PEPD: variants seen among roughly 807,000 people sequenced by gnomAD.
PEPD encodes peptidase D, also known as xaa-Pro dipeptidase.
PEPD carries 53 observed loss-of-function variants against 60.7 expected under a neutral mutation model. The ratio of observed to expected loss-of-function variants is 0.87; its 90% confidence interval spans 0.70 to 1.10. The LOEUF (loss-of-function observed/expected upper bound fraction) is 1.10, where lower values mean the gene tolerates loss of function less well. PEPD is among the 50% of genes least tolerant of loss of function. The pLI is 0.00. For synonymous variants in PEPD, 267 were observed against 284.1 expected, an observed-to-expected ratio of 0.94 and a Z score of 0.60; for missense variants, 711 against 711.9, an observed-to-expected ratio of 1.00 and a Z score of 0.01.
chr19:33,500,834 T>C, intron 4 of PEPD, 104 bp downstream of exon 4: 2 of 786,600 alleles, frequency 2.5e-6, no homozygotes, highest in Non-Finnish European at 4.6e-6. Flanking sequence ...GGTGGTAGTG[T>C]CCCTGACATC....
intron 6 of PEPD, 30 bp downstream of exon 6, chr19:33,489,966 G>C (rs1398769261): frequency 7.0e-7 from 1 of 1,425,610 alleles, no homozygotes; most frequent in East Asian, 2.3e-5. Flanking sequence ...GGGATGGTGG[G>C]GAAAGAGTCC....
intron 7 of PEPD, among the ~76,000 whole-genome samples, chr19:33,464,684 AG>A (rs1222351472): frequency 6.6e-6 from 1 of 152,176 alleles, no homozygotes; most frequent in Admixed American, 6.5e-5. Context: ...CTACGTGGGC[AG>A]GGGAGTCACA....
intron 1 of PEPD, among the ~76,000 whole-genome samples, chr19:33,514,279 G>T (rs985312709): frequency 6.6e-6 from 1 of 152,046 alleles, no homozygotes; most frequent in Non-Finnish European, 1.5e-5. Context: ...TCTGCCTGGG[G>T]ACTGCAGTGA....
intron 9 of PEPD, among the ~76,000 whole-genome samples, chr19:33,456,865 G>A (rs542962983): frequency 1.0e-3 from 155 of 152,094 alleles, no homozygotes; most frequent in African/African-American, 3.7e-3. Flanking sequence ...AGGTCAGACT[G>A]TGCCTGGATG....
intron 9 of PEPD, among the ~76,000 whole-genome samples, chr19:33,443,867 G>A (rs1165666923): frequency 1.4e-5 from 2 of 144,980 alleles, no homozygotes; most frequent in South Asian, 2.2e-4. Flanking sequence ...ACACACTTGC[G>A]AACATGCGCG....
rs750710336 is a variant in PEPD at position 33,463,984 on chromosome 19, T to C, written c.624+3A>G. On this transcript the variant is annotated splice_donor_region_variant and intron_variant, in intron 8 of 14. Transcript: ENST00000244137. ...ACTCAACCAGAGCCGGTGCCTGACTTACCTCACGGTGGGCCTCGCTGGAGA... is the reference window on the plus strand; with the variant it reads ...ACTCAACCAGAGCCGGTGCCTGACTCACCTCACGGTGGGCCTCGCTGGAGA... The C allele has an allele frequency of 1.9e-6, 3 of 1,603,322 alleles. No homozygotes were observed. The Admixed American group carries it at 5.0e-5, about 27-fold the overall frequency.
At chr19:33,475,927 A>G (rs1293480900) in intron 7 of PEPD, among the ~76,000 whole-genome samples, 1 of 152,154 alleles carries the variant, frequency 6.6e-6, no homozygotes, top group Non-Finnish European at 1.5e-5. Context: ...TAGCATAATC[A>G]TGGCTCACTG....
chr19:33,504,720 T>C (rs1266031498), intron 3 of PEPD, among the ~76,000 whole-genome samples: 27 of 151,660 alleles, frequency 1.8e-4, no homozygotes, highest in Admixed American at 1.8e-3. Context: ...GATCGTGCCA[T>C]TGTACTCCAG....
intron 9 of PEPD, among the ~76,000 whole-genome samples, chr19:33,446,233 T>C (rs1033068552): frequency 5.9e-5 from 9 of 152,290 alleles, no homozygotes; most frequent in African/African-American, 2.2e-4. Context: ...CCAGACACTT[T>C]TTTCTTCTGG....
intron 13 of PEPD, 23 bp downstream of exon 13, chr19:33,391,272 C>A (rs1390654164): frequency 1.3e-6 from 2 of 1,589,860 alleles, no homozygotes; most frequent in Admixed American, 3.4e-5. Context: ...GCAGGCCACT[C>A]CGCCTGCCAT....
intron 1 of PEPD, among the ~76,000 whole-genome samples, chr19:33,517,661 T>G (rs1971049074): frequency 1.3e-5 from 2 of 151,870 alleles, no homozygotes; most frequent in African/African-American, 4.8e-5. Flanking sequence ...AGGAAAGATC[T>G]CTGCACTAGA....
At chr19:33,407,886 G>A (rs752051209) in intron 11 of PEPD, among the ~76,000 whole-genome samples, 8 of 152,222 alleles carry the variant, frequency 5.3e-5, no homozygotes, top group Non-Finnish European at 7.3e-5. Flanking sequence ...CTGCGTGCAT[G>A]CGAGTGGGTG....
chr19:33,401,923 A>G (rs2145347265), intron 11 of PEPD, 54 bp from the exon 12 acceptor site: 2 of 1,575,948 alleles, frequency 1.3e-6, no homozygotes, highest in South Asian at 1.1e-5. Context: ...CCGCCCCCTT[A>G]CCCTTACCGC....
At chr19:33,390,557 C>A (rs1462871627) in intron 13 of PEPD, among the ~76,000 whole-genome samples, 10 of 152,216 alleles carry the variant, frequency 6.6e-5, no homozygotes, top group African/African-American at 2.4e-4. Flanking sequence ...CACGATTGCA[C>A]AATCAGCCCC....
intron 1 of PEPD, among the ~76,000 whole-genome samples, chr19:33,513,570 C>T (rs1488638280): frequency 6.6e-6 from 1 of 152,198 alleles, no homozygotes; most frequent in East Asian, 1.9e-4. Context: ...CTGCAGGCAA[C>T]TCTCAACGGT....
At chr19:33,438,410 G>A (rs550990086) in intron 9 of PEPD, among the ~76,000 whole-genome samples, 4 of 152,308 alleles carry the variant, frequency 2.6e-5, no homozygotes, top group South Asian at 4.1e-4. Flanking sequence ...TGCCAACTGC[G>A]GGACATCAAG....
intron 3 of PEPD, among the ~76,000 whole-genome samples, chr19:33,507,534 G>C (rs768022020): frequency 6.6e-6 from 1 of 152,136 alleles, no homozygotes; most frequent in African/African-American, 2.4e-5. Flanking sequence ...TCCTGCAGAC[G>C]GGGGTGTCGT....
chr19:33,494,289 G>C (rs1444554556), intron 4 of PEPD, among the ~76,000 whole-genome samples: 1 of 152,180 alleles, frequency 6.6e-6, no homozygotes, highest in Admixed American at 6.5e-5. Flanking sequence ...CGAAACGCAG[G>C]GGGAGAGTGA....
chr19:33,398,015 G>A lies in PEPD; in HGVS notation c.967+3706C>T, dbSNP rs1471656386. ...TGCCCAGGCCGCAGCAGGCTTTCCT[G>A]CAGGTGAGGCCAGCCAGGGCTGGGC... On this transcript the variant is annotated intron_variant, in intron 12 of 14. Transcript: ENST00000244137. Among the ~76,000 whole-genome samples, 8 of 152,342 alleles carry A rather than the reference G, an allele frequency of 5.3e-5. No individual in the cohort carries two copies. In the East Asian group the frequency reaches 1.5e-3, roughly 29 times the overall value.
Sources: gnomAD v4.1 joint callset for allele counts (sites outside exome capture counted in the v4.1 genomes callset) on GRCh38, gnomAD v4.1.1 for gene constraint, MANE v1.5 for transcripts, NCBI Gene and HGNC (gene_info 2026-07-23, HGNC 2026-07-21) for gene names.